MCTP2: variants seen among roughly 807,000 people sequenced by gnomAD.
MCTP2 encodes the protein multiple C2 and transmembrane domain-containing protein 2.
A neutral mutation model predicts 111.6 loss-of-function variants in MCTP2; 132 were observed. The ratio of observed to expected loss-of-function variants is 1.18; its 90% confidence interval spans 1.03 to 1.37. The LOEUF is 1.37. Ranked by LOEUF, MCTP2 falls within the 40% of genes most tolerant of loss-of-function variation. The pLI is 0.00. For synonymous variants in MCTP2, 395 were observed against 387.7 expected (o/e 1.02, Z -0.22); for missense variants, 1,183 against 1,067.9 (o/e 1.11, Z -1.50).
chr15:94,405,560 T>C (rs2081858968), intron 17 of MCTP2, among the ~76,000 whole-genome samples: 2 of 152,220 alleles, frequency 1.3e-5, no homozygotes, highest in African/African-American at 4.8e-5. Flanking sequence ...TCCTCTACCA[T>C]GCGATTTATC....
chr15:94,440,253 C>G lies in MCTP2; in HGVS notation c.2163C>G (p.Phe721Leu). The G allele has an allele frequency of 6.2e-7, 1 of 1,614,060 alleles. No homozygotes were observed. The highest frequency in any genetic ancestry group is 8.5e-7 in the Non-Finnish European group (1 of 1,179,980). ...LALLLIFVYN[F>L]IRPVKGKVSS... ...TGTTGCTGATCTTTGTCTACAATTT[C>G]ATCAGACCTGTGAAAGGCAAGGTCA... The change falls in exon 18 of 23, where the codon TTC becomes TTG. Residue 721 changes from phenylalanine to leucine, a missense_variant. Coordinates refer to ENST00000357742, the MANE Select transcript of MCTP2 (RefSeq NM_001385001.1).
chr15:94,473,322 A>G (rs74754770), intron 21 of MCTP2, among the ~76,000 whole-genome samples: 5,851 of 152,258 alleles, frequency 0.038, 220 homozygotes, highest in South Asian at 0.12. Context: ...AAATATTTTT[A>G]TGAATGAATG....
chr15:94,444,003 A>AAAAAAAAAAG (rs2083968357), intron 19 of MCTP2, among the ~76,000 whole-genome samples: 1 of 149,782 alleles, frequency 6.7e-6, no homozygotes, highest in Non-Finnish European at 1.5e-5. Context: ...AAAAAAAAAA[A>AAAAAAAAAAG]AAACAGAAGT....
chr15:94,298,762 G>C (rs1567354963), intron 2 of MCTP2, 32 bp downstream of exon 2: 4 of 1,276,786 alleles, frequency 3.1e-6, no homozygotes, highest in East Asian at 2.6e-5. Context: ...CTTTTTTTTT[G>C]TCTCTCTCTC....
intron 2 of MCTP2, among the ~76,000 whole-genome samples, chr15:94,307,041 G>C (rs982366594): frequency 1.3e-5 from 2 of 152,148 alleles, no homozygotes; most frequent in Non-Finnish European, 2.9e-5. Context: ...AGGTGTGTCA[G>C]CTACATCCCA....
chr15:94,238,002 A>G (rs1351990511), intron 1 of MCTP2, among the ~76,000 whole-genome samples: 1 of 151,834 alleles, frequency 6.6e-6, no homozygotes, highest in African/African-American at 2.4e-5. Context: ...CGCCTTTTTG[A>G]ACCAAACCAA....
At chr15:94,259,843 G>A (rs761970772) in intron 1 of MCTP2, among the ~76,000 whole-genome samples, 2 of 152,136 alleles carry the variant, frequency 1.3e-5, no homozygotes, top group African/African-American at 4.8e-5. Flanking sequence ...GGAAGAGTGC[G>A]CCTGTCCTGA....
intron 18 of MCTP2, 30 bp from the exon 19 acceptor site, chr15:94,442,889 T>C (rs2083861213): frequency 3.1e-6 from 5 of 1,603,712 alleles, no homozygotes; most frequent in Non-Finnish European, 4.3e-6. Context: ...TCGGTTGATG[T>C]TTCTATAAAC....
At chr15:94,244,238 A>G (rs1345528477) in intron 1 of MCTP2, among the ~76,000 whole-genome samples, 2 of 117,992 alleles carry the variant, frequency 1.7e-5, no homozygotes, top group East Asian at 2.1e-4. Context: ...ATTTATATAC[A>G]CGTGTATACA....
chr15:94,440,288 A>G lies in MCTP2; in HGVS notation c.2198A>G (p.Gln733Arg). 1 of 1,613,928 alleles carries G rather than the reference A, an allele frequency of 6.2e-7. No homozygotes were observed. Among genetic ancestry groups the G allele is most frequent in the Non-Finnish European group, 8.5e-7 (1 of 1,179,950 alleles). The stretch of plus-strand genomic sequence containing the variant: ...GTGAAAGGCAAGGTCAGCAGCATCC[A>G]GGACAGCCAGGTAAGCAAGGATTCG... Reference protein sequence around the residue: ...RPVKGKVSSIQDSQESTDIDD... With the variant: ...RPVKGKVSSIRDSQESTDIDD... The change falls in exon 18 of 23, where the codon CAG (glutamine) becomes CGG (arginine). Residue 733 changes from glutamine (Q) to arginine (R), a missense_variant. Gln to Arg is a conservative substitution (Grantham distance 43). Coordinates refer to ENST00000357742, the MANE Select transcript of MCTP2 (RefSeq NM_001385001.1).
At chr15:94,288,172 C>CT (rs754087778) in intron 1 of MCTP2, among the ~76,000 whole-genome samples, 259 of 152,320 alleles carry the variant, frequency 1.7e-3, no homozygotes, top group Non-Finnish European at 3.0e-3. Flanking sequence ...TTAAATCTCT[C>CT]TGTGTCTTCC....
At chr15:94,314,516 G>C (rs955922233) in intron 3 of MCTP2, among the ~76,000 whole-genome samples, 172 bp downstream of exon 3, 6 of 151,470 alleles carry the variant, frequency 4.0e-5, no homozygotes, top group Non-Finnish European at 7.4e-5. Context: ...GATTAATTCA[G>C]TATCTATTGA....
chr15:94,392,485 G>C (rs142281247), intron 14 of MCTP2, among the ~76,000 whole-genome samples: 1 of 151,958 alleles, frequency 6.6e-6, no homozygotes, highest in Admixed American at 6.6e-5. Context: ...AACTAGAATT[G>C]TCAAATGATA....
intron 12 of MCTP2, among the ~76,000 whole-genome samples, chr15:94,379,538 G>A (rs958410990): frequency 6.6e-6 from 1 of 151,674 alleles, no homozygotes; most frequent in Non-Finnish European, 1.5e-5. Flanking sequence ...CCCTTGTATT[G>A]TATTGACAGT....
At chr15:94,381,060 A>G (rs1264745756) in intron 12 of MCTP2, among the ~76,000 whole-genome samples, 1 of 152,228 alleles carries the variant, frequency 6.6e-6, no homozygotes, top group East Asian at 1.9e-4. Flanking sequence ...TATTCCTGTG[A>G]AATGGGTGGT....
At chr15:94,444,023 A>ATACTTCTGTTTTTTTTTT in intron 19 of MCTP2, among the ~76,000 whole-genome samples, 1 of 147,026 alleles carries the variant, frequency 6.8e-6, no homozygotes, top group Non-Finnish European at 1.5e-5. Context: ...TATTAGTGAA[A>ATACTTCTGTTTTTTTTTT]TTATTTTAAA....
intron 19 of MCTP2, among the ~76,000 whole-genome samples, chr15:94,452,432 G>T (rs1393753685): frequency 1.3e-5 from 2 of 152,332 alleles, no homozygotes; most frequent in Non-Finnish European, 2.9e-5. Context: ...TCAAGCTTGA[G>T]TTGGGCCTTC....
At chr15:94,453,431 T>A (rs1215043011) in intron 19 of MCTP2, among the ~76,000 whole-genome samples, 1 of 152,224 alleles carries the variant, frequency 6.6e-6, no homozygotes, top group African/African-American at 2.4e-5. Flanking sequence ...ATGTGATGTC[T>A]ACCGGCCCAT....
At chr15:94,290,049 T>C (rs1396711648) in intron 1 of MCTP2, among the ~76,000 whole-genome samples, 1 of 152,078 alleles carries the variant, frequency 6.6e-6, no homozygotes, top group African/African-American at 2.4e-5. Flanking sequence ...GATCAGTCCT[T>C]AGCTGACTGA....
Sources: allele counts gnomAD v4.1 joint callset (sites outside exome capture counted in the v4.1 genomes callset), GRCh38; gene constraint gnomAD v4.1.1; transcripts MANE v1.5; gene names NCBI Gene and HGNC (gene_info 2026-07-23, HGNC 2026-07-21).